The following SLC12A1 variants were observed in gnomAD, a reference collection of about 807,000 sequenced individuals.
SLC12A1 encodes solute carrier family 12 member 1.
Under a neutral mutation model 130.4 loss-of-function variants are expected in SLC12A1, and 89 were observed. The observed-to-expected ratio is 0.68, with a 90% CI of 0.58 to 0.81. SLC12A1 has a LOEUF of 0.81. Among genes scored for constraint, SLC12A1 ranks in the 40% least tolerant of loss-of-function variants. The pLI, the probability that SLC12A1 is intolerant of heterozygous loss-of-function variation, is 0.00. For missense variants in SLC12A1, 1,310 were observed against 1,336.4 expected, an observed-to-expected ratio of 0.98 and a Z score of 0.31; for synonymous variants, 499 against 460.0, an observed-to-expected ratio of 1.08 and a Z score of -1.09.
At chr15:48,279,764 G>GATTTGTGA (rs2041992077) in intron 20 of SLC12A1, among the ~76,000 whole-genome samples, 1 of 152,210 alleles carries the variant, frequency 6.6e-6, no homozygotes, top group Non-Finnish European at 1.5e-5. Context: ...AGTATTCCAT[G>GATTTGTGA]TAAGTACAGC....
chr15:48,262,990 A>C (rs1261770833), intron 17 of SLC12A1, among the ~76,000 whole-genome samples: 1 of 152,196 alleles, frequency 6.6e-6, no homozygotes, highest in East Asian at 1.9e-4. Context: ...AGATGCAGAG[A>C]TATCCAAACC....
At chr15:48,227,183 A>C in intron 5 of SLC12A1, 1 of 1,514,510 alleles carries the variant, frequency 6.6e-7, no homozygotes, top group Non-Finnish European at 9.0e-7. Context: ...AGGTAAGCCA[A>C]TTAATTTACT....
chr15:48,239,159 G>C (rs997117486), intron 9 of SLC12A1, among the ~76,000 whole-genome samples: 3 of 152,132 alleles, frequency 2.0e-5, no homozygotes, highest in Non-Finnish European at 4.4e-5. Context: ...AGCCAGACCA[G>C]ACAATGTGAA....
intron 11 of SLC12A1, 46 bp downstream of exon 11, chr15:48,244,950 T>C (rs1003659304): frequency 2.5e-6 from 4 of 1,569,670 alleles, no homozygotes; most frequent in Non-Finnish European, 3.5e-6. Flanking sequence ...ATTTTCATTT[T>C]TTGAATGTCA....
intron 5 of SLC12A1, chr15:48,226,830 T>C (rs531507898): frequency 1.7e-6 from 1 of 587,310 alleles, no homozygotes; most frequent in Admixed American, 3.3e-5. Context: ...AAACTTTTTC[T>C]TTTTCAGGCT....
At chr15:48,248,660 A>G (rs2041611193) in intron 13 of SLC12A1, among the ~76,000 whole-genome samples, 1 of 152,250 alleles carries the variant, frequency 6.6e-6, no homozygotes, top group East Asian at 1.9e-4. Flanking sequence ...ACCTTCAGAT[A>G]AAGGATGACG....
chr15:48,227,196 T>A (rs1417378776), intron 5 of SLC12A1: 2 of 1,434,524 alleles, frequency 1.4e-6, no homozygotes, highest in South Asian at 1.2e-5. Flanking sequence ...AATTTACTTA[T>A]GACTAGAGGC....
In SLC12A1 at chr15:48,208,005, T is replaced by C. The variant is rs773795619; in HGVS notation, c.286T>C (p.Tyr96His). Residue 96 changes from tyrosine (Y) to histidine (H), a missense_variant, in exon 2 of 27, where the codon TAC becomes CAC. Physicochemically the swap from Tyr to His is moderately conservative, Grantham distance 83. Coordinates refer to ENST00000380993, the MANE Select transcript of SLC12A1 (RefSeq NM_000338.3). ...FHAYDSHTNT[Y>H]YLQTFGHNTM... is the part of the protein sequence containing the mutation. Reference sequence around the variant, plus strand: ...CGCTTATGATTCTCACACAAACACATACTATCTACAAACTTTTGGCCACAA... The same window carrying C: ...CGCTTATGATTCTCACACAAACACACACTATCTACAAACTTTTGGCCACAA... The C allele has an allele frequency of 9.9e-6, 16 of 1,613,808 alleles. No individual in the cohort carries two copies. Among genetic ancestry groups the C allele is most frequent in the Non-Finnish European group, 1.3e-5 (15 of 1,179,896 alleles).
chr15:48,219,508 T>C (rs976349555), intron 2 of SLC12A1, among the ~76,000 whole-genome samples: 1 of 149,872 alleles, frequency 6.7e-6, no homozygotes, highest in Non-Finnish European at 1.5e-5. Flanking sequence ...GTGAGCCGAG[T>C]TCATACCACT....
intron 20 of SLC12A1, among the ~76,000 whole-genome samples, chr15:48,277,991 G>A (rs1018917431): frequency 6.6e-6 from 1 of 152,152 alleles, no homozygotes; most frequent in South Asian, 2.1e-4. Context: ...GTTATCTCTT[G>A]GTGCCTTTAG....
chr15:48,275,342 G>T (rs1053159355), intron 20 of SLC12A1, among the ~76,000 whole-genome samples: 3 of 152,170 alleles, frequency 2.0e-5, no homozygotes, highest in African/African-American at 4.8e-5. Flanking sequence ...TGCTTTTCTG[G>T]TGCCTGTTAT....
At chr15:48,283,950 G>A (rs2042032599) in intron 20 of SLC12A1, among the ~76,000 whole-genome samples, 1 of 152,282 alleles carries the variant, frequency 6.6e-6, no homozygotes, top group African/African-American at 2.4e-5. Flanking sequence ...TTCAGTGCAG[G>A]GTGAGGTCAA....
chr15:48,221,239 G>C, intron 4 of SLC12A1: 2 of 675,392 alleles, frequency 3.0e-6, no homozygotes, highest in Non-Finnish European at 5.4e-6. Flanking sequence ...TCTCTCTTTT[G>C]ATAGAGTTTT....
chr15:48,213,526 C>T (rs554101634), intron 2 of SLC12A1, among the ~76,000 whole-genome samples: 185 of 129,590 alleles, frequency 1.4e-3, no homozygotes, highest in Non-Finnish European at 2.5e-3. Flanking sequence ...TTTTTTGAGA[C>T]GGGATCTCGC....
intron 17 of SLC12A1, among the ~76,000 whole-genome samples, chr15:48,259,928 C>T (rs537558525): frequency 6.6e-6 from 1 of 152,250 alleles, no homozygotes; most frequent in African/African-American, 2.4e-5. Flanking sequence ...TTAATCATAA[C>T]TGTTGACCAA....
At chr15:48,209,180 G>A (rs567531595) in intron 2 of SLC12A1, among the ~76,000 whole-genome samples, 2 of 152,238 alleles carry the variant, frequency 1.3e-5, no homozygotes, top group Non-Finnish European at 2.9e-5. Flanking sequence ...TTCTGCCTCA[G>A]CCCCCTGAGT....
chr15:48,237,013 T>C (rs912963279), intron 9 of SLC12A1: 3 of 702,478 alleles, frequency 4.3e-6, no homozygotes, highest in South Asian at 1.5e-5. Context: ...GAGCTTCACC[T>C]CTCCCTCAAG....
At position 48,251,812 on chromosome 15, in the gene SLC12A1, TCTAACTA is replaced by T. The variant is rs2041652224; in HGVS notation, c.1942+45_1942+51del. Reference sequence around the variant, plus strand: ...CTGGAATAGCGTTTCCAAATCTCTCTCTAACTACTCATTTATTAAGCATTTATTGAGC... The same window carrying T: ...CTGGAATAGCGTTTCCAAATCTCTCTCTCATTTATTAAGCATTTATTGAGC... On this transcript the variant is annotated intron_variant, in intron 15 of 26. Transcript: ENST00000380993. The T allele has an allele frequency of 2.6e-6, 4 of 1,567,236 alleles. No individual in the cohort carries two copies. The East Asian group carries it at 9.0e-5, about 35-fold the overall frequency.
chr15:48,273,108 A>AAAAC (rs2041915510), intron 19 of SLC12A1, among the ~76,000 whole-genome samples: 2 of 151,212 alleles, frequency 1.3e-5, no homozygotes, highest in South Asian at 4.2e-4. Flanking sequence ...GTCAAAAAAA[A>AAAAC]AAAAAAAAAA....
Sources: allele counts gnomAD v4.1 joint callset (sites outside exome capture counted in the v4.1 genomes callset), GRCh38; gene constraint gnomAD v4.1.1; transcripts MANE v1.5; gene names NCBI Gene and HGNC (gene_info 2026-07-23, HGNC 2026-07-21).